Variants in ESYT2 observed in about 807,000 individuals in gnomAD.
The protein encoded by ESYT2 is extended synaptotagmin 2, also known as extended synaptotagmin-2.
ESYT2 carries 54 observed loss-of-function variants against 107.2 expected under a neutral mutation model. The ratio of observed to expected loss-of-function variants is 0.50; its 90% confidence interval spans 0.40 to 0.63. ESYT2 has a LOEUF of 0.63. ESYT2 is among the 30% of genes least tolerant of loss of function. The pLI is 0.00. For synonymous variants in ESYT2, 491 were observed against 434.1 expected, an observed-to-expected ratio of 1.13 and a Z score of -1.63; for missense variants, 1,020 against 1,094.5, an observed-to-expected ratio of 0.93 and a Z score of 0.96.
chr7:158,755,932 T>G (rs568298087), intron 13 of ESYT2, among the ~76,000 whole-genome samples: 26 of 152,166 alleles, frequency 1.7e-4, no homozygotes, highest in Non-Finnish European at 3.8e-4. Context: ...CGAGTTGGTG[T>G]GTGCAGCAAA....
chr7:158,821,054 T>A (rs1840273127), intron 1 of ESYT2, among the ~76,000 whole-genome samples: 1 of 152,038 alleles, frequency 6.6e-6, no homozygotes, highest in Admixed American at 6.6e-5. Context: ...CAGGAAAAAA[T>A]TCACAAAAAT....
chr7:158,756,069 C>G (rs552312877), intron 13 of ESYT2, among the ~76,000 whole-genome samples: 1 of 152,170 alleles, frequency 6.6e-6, no homozygotes, highest in East Asian at 1.9e-4. Context: ...CAAGTTTTGC[C>G]CCCTACGCTC....
rs1373986434 is a variant in ESYT2 at position 158,782,510 on chromosome 7, AGT to A, written c.747+5492_747+5493del. Among the ~76,000 whole-genome samples the A allele has an allele frequency of 9.6e-5, 13 of 134,958 alleles. No homozygotes were observed. In the South Asian group the frequency reaches 9.8e-4, roughly 10 times the overall value. The allele number at this position is 134,958 out of a possible 152,430, so 88.5% of individuals were successfully genotyped here. A position where few individuals can be genotyped will look rare whatever the true frequency, so the allele number is the denominator to read the frequency against. ...GGTGTGTGTGAAACAAGTGAGAACA[AGT>A]GTGAGTGGAATAGCGAGTGTAAGAA... On this transcript the variant is annotated intron_variant, in intron 6 of 22. Transcript: ENST00000275418.
At position 158,829,098 on chromosome 7, in the gene ESYT2, C is replaced by A. The variant is rs1251266503; in HGVS notation, c.321G>T (p.Leu107=). The change falls in exon 1 of 23, where the codon CTG becomes CTT. Residue 107 remains leucine (L), a synonymous_variant. Transcript: ENST00000275418. Reference sequence around the variant, plus strand: ...AGGGGTCTGCACTCACCCAGGCGGGCAGGTCGCAGGCGCGCACCCCCAGGC... The same window carrying A: ...AGGGGTCTGCACTCACCCAGGCGGGAAGGTCGCAGGCGCGCACCCCCAGGC... The part of the protein sequence containing the change: ...VVRLGVRACD[L]PAWVHFPDTE... 2 of 1,583,192 alleles carry A rather than the reference C, an allele frequency of 1.3e-6. No homozygotes were observed. Among genetic ancestry groups the A allele is most frequent in the Non-Finnish European group, 1.7e-6 (2 of 1,173,898 alleles).
chr7:158,737,342 G>A (rs1486002781), intron 19 of ESYT2, among the ~76,000 whole-genome samples, 163 bp from the exon 20 acceptor site: 7 of 152,166 alleles, frequency 4.6e-5, no homozygotes, highest in Admixed American at 4.6e-4. Flanking sequence ...CCCGACGGCT[G>A]CCTGGTGGCA....
chr7:158,761,170 G>A (rs1426382990), intron 11 of ESYT2, among the ~76,000 whole-genome samples: 1 of 152,096 alleles, frequency 6.6e-6, no homozygotes, highest in Admixed American at 6.5e-5. Flanking sequence ...CCATCACTAG[G>A]GGGCATCTCG....
chr7:158,742,620 G>A (rs927693950), intron 17 of ESYT2, among the ~76,000 whole-genome samples: 2 of 152,216 alleles, frequency 1.3e-5, no homozygotes, highest in Non-Finnish European at 2.9e-5. Flanking sequence ...GGAGCAGGGG[G>A]TTCCCGCAGG....
chr7:158,794,677 G>A (rs1223200348), intron 3 of ESYT2, among the ~76,000 whole-genome samples: 1 of 148,746 alleles, frequency 6.7e-6, no homozygotes, highest in African/African-American at 2.5e-5. Context: ...TCGGGAGGCT[G>A]TGGTAGGGGG....
intron 4 of ESYT2, among the ~76,000 whole-genome samples, chr7:158,790,527 T>G (rs1563022235): frequency 6.6e-6 from 1 of 152,138 alleles, no homozygotes; most frequent in African/African-American, 2.4e-5. Flanking sequence ...AGCGAGACCC[T>G]ATGGGGGGTG....
intron 6 of ESYT2, among the ~76,000 whole-genome samples, chr7:158,774,257 T>A (rs929142949): frequency 6.6e-6 from 1 of 152,064 alleles, no homozygotes; most frequent in South Asian, 2.1e-4. Flanking sequence ...AGTGGAAGAG[T>A]CAAGATTCTT....
At chr7:158,818,965 A>G (rs2129474213) in intron 1 of ESYT2, among the ~76,000 whole-genome samples, 1 of 152,386 alleles carries the variant, frequency 6.6e-6, no homozygotes, top group South Asian at 2.1e-4. Context: ...GGTCATGTCC[A>G]GACAAGGACA....
At chr7:158,808,184 G>A (rs960723442) in intron 1 of ESYT2, among the ~76,000 whole-genome samples, 1 of 152,170 alleles carries the variant, frequency 6.6e-6, no homozygotes, top group East Asian at 1.9e-4. Flanking sequence ...TCAATCACCC[G>A]CAGTCAACCA....
intron 4 of ESYT2, among the ~76,000 whole-genome samples, chr7:158,792,365 A>T (rs969414444): frequency 4.0e-5 from 6 of 151,286 alleles, no homozygotes; most frequent in Non-Finnish European, 7.4e-5. Context: ...CTCTACAAAA[A>T]AAAAATAAAA....
chr7:158,798,929 C>G, intron 2 of ESYT2, 102 bp downstream of exon 2: 1 of 1,197,660 alleles, frequency 8.3e-7, no homozygotes, highest in Non-Finnish European at 1.2e-6. Flanking sequence ...AAAGTCCAAA[C>G]GAGCTCAAAT....
intron 5 of ESYT2, 105 bp from the exon 6 acceptor site, chr7:158,788,198 T>C: frequency 8.5e-7 from 1 of 1,182,148 alleles, no homozygotes; most frequent in Non-Finnish European, 1.2e-6. Context: ...AGCATGTGAC[T>C]TCTTATTTAT....
Position 158,748,325 on chromosome 7 carries a change from A to G in ESYT2, c.1558-45T>C, listed in dbSNP as rs776792983. Reference sequence around the variant, plus strand: ...TATTAGCTCTGATATTTTCTGTGGAAAAGGGCTACTCATTTTATGTGTTTA... The same window carrying G: ...TATTAGCTCTGATATTTTCTGTGGAGAAGGGCTACTCATTTTATGTGTTTA... On this transcript the variant is annotated intron_variant, in intron 15 of 22. Transcript: ENST00000275418. The G allele has an allele frequency of 1.5e-5, 22 of 1,448,008 alleles. No individual in the cohort carries two copies. In the South Asian group the frequency reaches 2.5e-4, roughly 17 times the overall value. 89.7% of individuals were successfully genotyped at this position (1,448,008 alleles called of 1,614,324 possible). A position where few individuals can be genotyped will look rare whatever the true frequency, so the allele number is the denominator to read the frequency against.
intron 1 of ESYT2, among the ~76,000 whole-genome samples, chr7:158,806,131 G>GACGCTGGCGCACAATGC (rs1839824983): frequency 6.9e-6 from 1 of 144,232 alleles, no homozygotes; most frequent in African/African-American, 2.9e-5. Context: ...CCGCGTGGGA[G>GACGCTGGCGCACAATGC]GTGCCGGGGC....
intron 1 of ESYT2, among the ~76,000 whole-genome samples, chr7:158,812,745 A>G (rs1330901867): frequency 6.6e-5 from 10 of 152,368 alleles, no homozygotes; most frequent in Admixed American, 5.2e-4. Context: ...CGGAATATTC[A>G]GCCTTAAAGA....
chr7:158,770,357 G>A (rs1838316570), intron 7 of ESYT2, among the ~76,000 whole-genome samples: 1 of 151,320 alleles, frequency 6.6e-6, no homozygotes, highest in East Asian at 1.9e-4. Context: ...CTACATAATT[G>A]TGCATAAATT....
Sources: gnomAD v4.1 joint callset for allele counts (sites outside exome capture counted in the v4.1 genomes callset) on GRCh38, gnomAD v4.1.1 for gene constraint, MANE v1.5 for transcripts, NCBI Gene and HGNC (gene_info 2026-07-23, HGNC 2026-07-21) for gene names.